Variants in HYAL4 observed in about 807,000 individuals in gnomAD.
HYAL4 encodes the protein hyaluronidase-4.
In HYAL4, 37 loss-of-function variants were observed where a neutral mutation model predicts 35.2. The ratio of observed to expected loss-of-function variants is 1.05; its 90% CI spans 0.81 to 1.38. The LOEUF is 1.38. Among genes scored for constraint, HYAL4 ranks in the 40% most tolerant of loss-of-function variants. The pLI is 0.00. For synonymous variants in HYAL4, 198 were observed against 203.2 expected (o/e 0.97, Z 0.22); for missense variants, 572 against 572.4 (o/e 1.00, Z 0.01).
chr7:123,806,183 A>G, the HYAL4 span, among the ~76,000 whole-genome samples: 7 of 152,282 alleles, frequency 4.6e-5, no homozygotes, highest in Non-Finnish European at 8.8e-5. Flanking sequence ...ACAGAGATCA[A>G]TCAAATTATT....
the HYAL4 span, among the ~76,000 whole-genome samples, chr7:123,775,593 C>T: frequency 6.6e-6 from 1 of 152,238 alleles, no homozygotes; most frequent in East Asian, 1.9e-4. Flanking sequence ...TGCTTTGTAC[C>T]ATGTATAAAA....
At chr7:123,875,625 C>T (rs535992878) in intron 4 of HYAL4, among the ~76,000 whole-genome samples, 4 of 141,392 alleles carry the variant, frequency 2.8e-5, no homozygotes, top group African/African-American at 5.3e-5. Flanking sequence ...CCACTGCACT[C>T]GAGCCTGGTT....
At chr7:123,766,424 T>A in the HYAL4 span, among the ~76,000 whole-genome samples, 1 of 152,126 alleles carries the variant, frequency 6.6e-6, no homozygotes, top group African/African-American at 2.4e-5. Flanking sequence ...GAGTTTTCAA[T>A]GTAAATGCTC....
chr7:123,843,331 C>G (rs1014637712), upstream of HYAL4, among the ~76,000 whole-genome samples: 9 of 152,054 alleles, frequency 5.9e-5, no homozygotes, highest in African/African-American at 1.9e-4. Context: ...TTGGCCTCCA[C>G]TCTCTTCTGG....
chr7:123,861,204 C>A lies in HYAL4; in HGVS notation c.-51-7019C>A, dbSNP rs1403040970. 2.0e-5 allele frequency among the ~76,000 whole-genome samples: 3 copies of A among 152,244 alleles called. No homozygotes were observed. In the East Asian group the frequency reaches 5.8e-4, roughly 29 times the overall value. On this transcript the variant is annotated intron_variant, in intron 2 of 4. Transcript: ENST00000223026. The stretch of plus-strand genomic sequence containing the variant: ...CCCATCTCTAGTTTCTGTCTGATAA[C>A]CCCAACTAGTATCCCAACACTCCTA...
intron 2 of HYAL4, among the ~76,000 whole-genome samples, chr7:123,849,364 G>T (rs910427578): frequency 6.6e-6 from 1 of 151,564 alleles, no homozygotes; most frequent in Admixed American, 6.6e-5. Flanking sequence ...GCATCGGCGC[G>T]ATCTTGGCTC....
At chr7:123,822,996 A>C in the HYAL4 span, among the ~76,000 whole-genome samples, 1 of 152,058 alleles carries the variant, frequency 6.6e-6, no homozygotes, top group East Asian at 1.9e-4. Context: ...AATAAAAGAG[A>C]AGTGATTAGA....
Position 123,877,343 on chromosome 7 carries a change from G to C in HYAL4, c.*188G>C. The C allele has an allele frequency of 1.7e-6, 1 of 573,020 alleles. No homozygotes were observed. Among genetic ancestry groups the C allele is most frequent in the Non-Finnish European group, 3.0e-6 (1 of 336,036 alleles). 35.5% of individuals were successfully genotyped at this position (573,020 alleles called of 1,614,324 possible). ...CCAGTCTGGCTAGGAAACCAGATCT[G>C]GGGTAAAGTCAATGTACACTTCCTC... On this transcript the variant is annotated 3_prime_UTR_variant, in exon 5 of 5. Coordinates refer to ENST00000223026, the MANE Select transcript of HYAL4 (RefSeq NM_012269.3).
chr7:123,792,758 C>A, the HYAL4 span, among the ~76,000 whole-genome samples: 1 of 152,154 alleles, frequency 6.6e-6, no homozygotes, highest in Non-Finnish European at 1.5e-5. Flanking sequence ...ACGTTTTTCA[C>A]AGAAGAGTTA....
At chr7:123,859,364 C>T (rs771073423) in intron 2 of HYAL4, among the ~76,000 whole-genome samples, 13 of 152,244 alleles carry the variant, frequency 8.5e-5, no homozygotes, top group Non-Finnish European at 1.5e-4. Context: ...CGGTATTGTG[C>T]ATTACATTTT....
the HYAL4 span, among the ~76,000 whole-genome samples, chr7:123,783,302 C>CT: frequency 6.6e-6 from 1 of 152,094 alleles, no homozygotes; most frequent in Non-Finnish European, 1.5e-5. Context: ...TATGTTGGGA[C>CT]TTTTTTCCCT....
the HYAL4 span, among the ~76,000 whole-genome samples, chr7:123,823,386 C>T: frequency 6.6e-6 from 1 of 152,100 alleles, no homozygotes; most frequent in Non-Finnish European, 1.5e-5. Context: ...CATCCAGTTT[C>T]ATCAGGGATA....
intron 3 of HYAL4, 28 bp from the exon 4 acceptor site, chr7:123,874,733 A>G (rs759223518): frequency 1.2e-5 from 16 of 1,367,906 alleles, no homozygotes; most frequent in East Asian, 6.9e-5. Flanking sequence ...ATTCAAATTA[A>G]TAATGAACTC....
intron 1 of HYAL4, among the ~76,000 whole-genome samples, chr7:123,832,823 A>G (rs1399804147): frequency 1.3e-5 from 2 of 152,088 alleles, no homozygotes; most frequent in African/African-American, 2.4e-5. Context: ...CTCATAGCTC[A>G]GTTCCCACTT....
chr7:123,808,351 C>A, the HYAL4 span, among the ~76,000 whole-genome samples: 10 of 151,592 alleles, frequency 6.6e-5, no homozygotes, highest in African/African-American at 2.2e-4. Context: ...GAATGAAATT[C>A]CCGGTTGCAT....
the HYAL4 span, among the ~76,000 whole-genome samples, chr7:123,793,737 T>C: frequency 6.6e-6 from 1 of 152,204 alleles, no homozygotes; most frequent in Non-Finnish European, 1.5e-5. Flanking sequence ...TAAATCTCTT[T>C]TCTTTATAAA....
At chr7:123,791,525 C>T in the HYAL4 span, among the ~76,000 whole-genome samples, 2 of 152,182 alleles carry the variant, frequency 1.3e-5, no homozygotes, top group Admixed American at 1.3e-4. Context: ...GTTATCCTCA[C>T]TGGAATTTAC....
chr7:123,863,602 A>G (rs974412191), intron 2 of HYAL4, among the ~76,000 whole-genome samples: 1 of 152,184 alleles, frequency 6.6e-6, no homozygotes, highest in African/African-American at 2.4e-5. Flanking sequence ...AAAGAATAGC[A>G]GTCATTCATT....
At chr7:123,863,827 G>T (rs1013079665) in intron 2 of HYAL4, among the ~76,000 whole-genome samples, 1 of 152,126 alleles carries the variant, frequency 6.6e-6, no homozygotes, top group Admixed American at 6.6e-5. Flanking sequence ...GCCAAGGGTT[G>T]CTCTTTTTTT....
Sources: gnomAD v4.1 joint callset for allele counts (sites outside exome capture counted in the v4.1 genomes callset) on GRCh38, gnomAD v4.1.1 for gene constraint, MANE v1.5 for transcripts, NCBI Gene and HGNC (gene_info 2026-07-23, HGNC 2026-07-21) for gene names.